TNFRSF11A: variants seen among roughly 807,000 people sequenced by gnomAD.
TNFRSF11A encodes TNF receptor superfamily member 11a, also known as tumor necrosis factor receptor superfamily member 11A.
In TNFRSF11A, 32 loss-of-function variants were observed where a neutral mutation model predicts 55.7. That is an observed-to-expected ratio of 0.57 (90% CI 0.43 to 0.77). The LOEUF is 0.77. Ranked by LOEUF, TNFRSF11A falls within the 30% of genes least tolerant of loss-of-function variation. TNFRSF11A has a pLI of 0.00. For missense variants in TNFRSF11A, 753 were observed against 809.8 expected, an observed-to-expected ratio of 0.93 and a Z score of 0.85; for synonymous variants, 311 against 331.0, an observed-to-expected ratio of 0.94 and a Z score of 0.65.
chr18:62,333,938 C>T (rs999120622), intron 1 of TNFRSF11A, among the ~76,000 whole-genome samples: 2 of 151,724 alleles, frequency 1.3e-5, no homozygotes, highest in Non-Finnish European at 2.9e-5. Context: ...CATCTTGGCT[C>T]ACTGCAACCT....
intron 7 of TNFRSF11A, among the ~76,000 whole-genome samples, chr18:62,363,615 C>T (rs551899840): frequency 3.4e-4 from 52 of 152,272 alleles, no homozygotes; most frequent in Non-Finnish European, 5.1e-4. Flanking sequence ...GATCCACCCA[C>T]CTTGGCCTCC....
At chr18:62,356,273 AC>A (rs1909249310) in intron 4 of TNFRSF11A, among the ~76,000 whole-genome samples, 1 of 152,232 alleles carries the variant, frequency 6.6e-6, no homozygotes, top group South Asian at 2.1e-4. Flanking sequence ...AATGTCCATC[AC>A]AGAGTCTAAC....
chr18:62,347,006 C>T (rs539743951), intron 1 of TNFRSF11A, among the ~76,000 whole-genome samples: 7 of 152,204 alleles, frequency 4.6e-5, no homozygotes, highest in Non-Finnish European at 1.0e-4. Flanking sequence ...CTCCACCTGC[C>T]AGTTTCTGTT....
At chr18:62,330,870 ATTTG>A (rs2046141832) in intron 1 of TNFRSF11A, 1 of 152,214 alleles carries the variant, frequency 6.6e-6, no homozygotes, top group African/African-American at 2.4e-5. Context: ...TAACAGATTT[ATTTG>A]TTCCTTCTCC....
chr18:62,361,620 T>C, intron 6 of TNFRSF11A, 60 bp from the exon 7 acceptor site: 1 of 1,504,292 alleles, frequency 6.6e-7, no homozygotes, highest in Non-Finnish European at 9.3e-7. Context: ...GGATTTGTTT[T>C]TCAACTGCGT....
At chr18:62,360,849 C>T (rs1318853484) in intron 6 of TNFRSF11A, among the ~76,000 whole-genome samples, 1 of 152,060 alleles carries the variant, frequency 6.6e-6, no homozygotes, top group Non-Finnish European at 1.5e-5. Flanking sequence ...GTCCAGATAT[C>T]GGAAGAGATT....
At chr18:62,341,984 C>T (rs2145268324) in intron 1 of TNFRSF11A, among the ~76,000 whole-genome samples, 1 of 151,928 alleles carries the variant, frequency 6.6e-6, no homozygotes, top group South Asian at 2.1e-4. Flanking sequence ...TTCCCTGAAG[C>T]CCAACTCAGT....
chr18:62,387,924 T>G lies in TNFRSF11A; in HGVS notation c.*2890T>G, dbSNP rs537995569. ...TGAGGACAGTAGTTAGAGATCAAAC[T>G]GGGCAATGGAGTGAGACCTCGTCTC... On this transcript the variant is annotated 3_prime_UTR_variant, in exon 10 of 10. Coordinates refer to ENST00000586569, the MANE Select transcript of TNFRSF11A (RefSeq NM_003839.4). 6.6e-6 allele frequency: 1 copy of G among 152,162 alleles called. No individual in the cohort carries two copies. The highest frequency in any genetic ancestry group is 2.4e-5 in the African/African-American group (1 of 41,412). 9.4% of individuals were successfully genotyped at this position (152,162 alleles called of 1,614,324 possible). A position where few individuals can be genotyped will look rare whatever the true frequency, so the allele number is the denominator to read the frequency against.
At position 62,369,277 on chromosome 18, in the gene TNFRSF11A, G is replaced by A. The variant is rs1910342753; in HGVS notation, c.1360G>A (p.Gly454Arg). Residue 454 changes from glycine to arginine, a missense_variant, in exon 9 of 10, where the codon GGG becomes AGG. Physicochemically the swap from Gly to Arg is moderately radical, Grantham distance 125. Coordinates refer to ENST00000586569, the MANE Select transcript of TNFRSF11A (RefSeq NM_003839.4). The stretch of plus-strand genomic sequence containing the variant: ...CTGCACAGGCTGCCGGAACCCTCCT[G>A]GGGAGGACTGTGAACCCCTCGTGGG... The part of the protein sequence containing the change: ...DVCTGCRNPP[G>R]EDCEPLVGSP... 1.2e-6 allele frequency: 2 copies of A among 1,613,138 alleles called. No individual in the cohort carries two copies. The highest frequency in any genetic ancestry group is 2.2e-5 in the South Asian group (2 of 91,086).
At position 62,383,809 on chromosome 18, in the gene TNFRSF11A, C is replaced by T. The variant is rs376945613; in HGVS notation, c.1568-942C>T. 6.6e-6 allele frequency among the ~76,000 whole-genome samples: 1 copy of T among 151,424 alleles called. No individual in the cohort carries two copies. On this transcript the variant is annotated intron_variant, in intron 9 of 9. Transcript: ENST00000586569. The surrounding 1 kb of genome is among the most constrained non-coding windows in gnomAD (Gnocchi z 4.2). ...CAGAAGGGAAAAGTGATTTATAGGA[C>T]TTTTTTTTTCTATTTTAGTTTTGTG...
intron 1 of TNFRSF11A, among the ~76,000 whole-genome samples, chr18:62,332,001 CT>C: frequency 6.6e-6 from 1 of 152,294 alleles, no homozygotes; most frequent in Non-Finnish European, 1.5e-5. Flanking sequence ...GTAATAATAA[CT>C]TATTACATTT....
chr18:62,369,540 G>C, intron 9 of TNFRSF11A, 56 bp downstream of exon 9: 1 of 1,591,992 alleles, frequency 6.3e-7, no homozygotes, highest in Non-Finnish European at 8.5e-7. Flanking sequence ...CTTGGTACAG[G>C]GTTTGGGGGC....
At chr18:62,337,163 C>T (rs1042621725) in intron 1 of TNFRSF11A, among the ~76,000 whole-genome samples, 12 of 152,250 alleles carry the variant, frequency 7.9e-5, no homozygotes, top group South Asian at 2.1e-4. Context: ...TGTTTTTTAT[C>T]AAACCCGACC....
intron 1 of TNFRSF11A, among the ~76,000 whole-genome samples, chr18:62,335,292 G>T (rs1478370579): frequency 2.6e-5 from 4 of 151,962 alleles, no homozygotes; most frequent in Non-Finnish European, 5.9e-5. Context: ...TGTATTTTTA[G>T]TAGAGACAGG....
chr18:62,366,611 T>G, intron 7 of TNFRSF11A, 97 bp from the exon 8 acceptor site: 7 of 1,288,464 alleles, frequency 5.4e-6, no homozygotes, highest in South Asian at 2.4e-5. Context: ...TCCTATAACA[T>G]GTTGTATACC....
chr18:62,365,245 AGCC>A (rs1909993638), intron 7 of TNFRSF11A, among the ~76,000 whole-genome samples: 1 of 152,180 alleles, frequency 6.6e-6, no homozygotes, highest in Non-Finnish European at 1.5e-5. Context: ...TACAGGTGTG[AGCC>A]ACCGGGTCCA....
chr18:62,332,046 TC>T (rs2046162922), intron 1 of TNFRSF11A, among the ~76,000 whole-genome samples: 1 of 152,206 alleles, frequency 6.6e-6, no homozygotes, highest in Non-Finnish European at 1.5e-5. Context: ...AAGAGCCACT[TC>T]CTCAAGCTAT....
chr18:62,358,922 C>A (rs1909469637), intron 5 of TNFRSF11A, among the ~76,000 whole-genome samples: 1 of 152,110 alleles, frequency 6.6e-6, no homozygotes, highest in South Asian at 2.1e-4. Flanking sequence ...TGTTCCCAGT[C>A]TTTTACAGTA....
At chr18:62,365,484 G>A (rs973496440) in intron 7 of TNFRSF11A, among the ~76,000 whole-genome samples, 4 of 152,138 alleles carry the variant, frequency 2.6e-5, no homozygotes, top group Admixed American at 1.3e-4. Flanking sequence ...CTTGGGGCCC[G>A]CTGGTCTCAG....
Sources: gnomAD v4.1 joint callset for allele counts (sites outside exome capture counted in the v4.1 genomes callset) on GRCh38, gnomAD v4.1.1 for gene constraint, Gnocchi (gnomAD v3.1) non-coding constraint, MANE v1.5 for transcripts, NCBI Gene and HGNC (gene_info 2026-07-23, HGNC 2026-07-21) for gene names.